PDLIM5: variants seen among roughly 807,000 people sequenced by gnomAD.
PDLIM5 encodes PDZ and LIM domain protein 5.
Under a neutral mutation model 64.2 loss-of-function variants are expected in PDLIM5, and 34 were observed. The observed-to-expected ratio is 0.53, with a 90% confidence interval of 0.40 to 0.71. The LOEUF is 0.71. Ranked by LOEUF, PDLIM5 falls within the 30% of genes least tolerant of loss-of-function variation. The pLI, the probability that PDLIM5 is intolerant of heterozygous loss-of-function variation, is 0.00. For missense variants in PDLIM5, 683 were observed against 733.6 expected (o/e 0.93, Z 0.80); for synonymous variants, 253 against 269.1 (o/e 0.94, Z 0.59).
intron 3 of PDLIM5, among the ~76,000 whole-genome samples, chr4:94,528,196 T>A (rs1730544064): frequency 6.6e-6 from 1 of 152,176 alleles, no homozygotes; most frequent in South Asian, 2.1e-4. Flanking sequence ...CCACCACCTG[T>A]TCACTGCCAG....
rs1553940971 is a variant in PDLIM5 at position 94,494,432 on chromosome 4, G to GGTTTTTTTTTTTTTTTTTTTTTTTTT, written c.97-29292_97-29291insGTTTTTTTTTTTTTTTTTTTTTTTTT. On this transcript the variant is annotated intron_variant, in intron 2 of 12. Transcript: ENST00000317968. Reference sequence around the variant, plus strand: ...AGCATTCACTAATTTTTTTTTTCTTGTTTTTTTTTTTTTTTTTTTTTTTTG... The same window carrying GGTTTTTTTTTTTTTTTTTTTTTTTTT: ...AGCATTCACTAATTTTTTTTTTCTTGGTTTTTTTTTTTTTTTTTTTTTTTTTTTTTTTTTTTTTTTTTTTTTTTTTG... Among the ~76,000 whole-genome samples the GGTTTTTTTTTTTTTTTTTTTTTTTTT allele has an allele frequency of 1.1e-4, 8 of 70,770 alleles. 2 individuals carry two copies. The highest frequency in any genetic ancestry group is 2.2e-4 in the Non-Finnish European group (8 of 36,260). 46.4% of individuals were successfully genotyped at this position (70,770 alleles called of 152,430 possible). A position where few individuals can be genotyped will look rare whatever the true frequency, so the allele number is the denominator to read the frequency against.
rs115600807 is a variant in PDLIM5, at chr4:94,500,597, G to T, written c.97-23127G>T. ...ATTCCGGTCTTTATTTTCCATAAAA[G>T]AAGTGATAGCAACTAAAATAGTATT... On this transcript the variant is annotated intron_variant, in intron 2 of 12. Coordinates refer to ENST00000317968, the MANE Select transcript of PDLIM5 (RefSeq NM_006457.5). Among the ~76,000 whole-genome samples, 671 of 152,224 alleles carry T rather than the reference G, an allele frequency of 4.4e-3. 3 individuals are homozygous for T. The highest frequency in any genetic ancestry group is 0.015 in the African/African-American group (634 of 41,552).
rs568966123 is a variant in PDLIM5 at position 94,567,930 on chromosome 4, C to T, written c.249-5421C>T. 5.3e-5 allele frequency among the ~76,000 whole-genome samples: 8 copies of T among 152,082 alleles called. No individual in the cohort carries two copies. In the South Asian group the frequency reaches 1.0e-3, roughly 20 times the overall value. Reference sequence around the variant, plus strand: ...GATGGATCACCTAAACAGTTGTAAACAGTGTAAAAGTTTTGGGTAGAGGAG... The same window carrying T: ...GATGGATCACCTAAACAGTTGTAAATAGTGTAAAAGTTTTGGGTAGAGGAG... On this transcript the variant is annotated intron_variant, in intron 3 of 12. Transcript: ENST00000317968.
intron 3 of PDLIM5, among the ~76,000 whole-genome samples, chr4:94,524,826 C>T (rs1730196403): frequency 6.6e-6 from 1 of 152,038 alleles, no homozygotes; most frequent in Non-Finnish European, 1.5e-5. Context: ...GTTATTATGA[C>T]TTACAAAGTT....
chr4:94,656,463 G>A (rs532111241), intron 10 of PDLIM5, among the ~76,000 whole-genome samples: 2 of 151,778 alleles, frequency 1.3e-5, no homozygotes, highest in Middle Eastern at 3.4e-3. Context: ...TTACACATTC[G>A]AGTCTGTGCT....
chr4:94,657,318 C>T, intron 10 of PDLIM5, 109 bp from the exon 11 acceptor site: 1 of 669,494 alleles, frequency 1.5e-6, no homozygotes, highest in Non-Finnish European at 2.5e-6. Flanking sequence ...AGTATGTGTG[C>T]CTACTTTGGA....
At chr4:94,504,297 T>C (rs1275838197) in intron 2 of PDLIM5, among the ~76,000 whole-genome samples, 1 of 151,988 alleles carries the variant, frequency 6.6e-6, no homozygotes. Context: ...GACTTTCTTT[T>C]TTTTTTTTTG....
intron 7 of PDLIM5, among the ~76,000 whole-genome samples, chr4:94,602,251 AG>A (rs1305602976): frequency 6.6e-6 from 1 of 152,346 alleles, no homozygotes; most frequent in East Asian, 1.9e-4. Context: ...ATTCAGAAAT[AG>A]GAAGCATTTA....
intron 8 of PDLIM5, among the ~76,000 whole-genome samples, chr4:94,621,549 A>G (rs1739242813): frequency 1.3e-5 from 2 of 152,242 alleles, no homozygotes; most frequent in African/African-American, 4.8e-5. Flanking sequence ...GGCACAAAGT[A>G]TATGGACAGT....
intron 3 of PDLIM5, among the ~76,000 whole-genome samples, chr4:94,533,904 A>G (rs751961459): frequency 7.2e-5 from 11 of 152,222 alleles, no homozygotes; most frequent in African/African-American, 9.6e-5. Context: ...ATAATGATGC[A>G]AGATTTAGAA....
chr4:94,599,964 C>T (rs1338471089), intron 7 of PDLIM5, among the ~76,000 whole-genome samples: 1 of 152,080 alleles, frequency 6.6e-6, no homozygotes, highest in African/African-American at 2.4e-5. Flanking sequence ...TTTGTGAGGG[C>T]TGTGATAGAT....
chr4:94,501,625 T>C (rs995095665), intron 2 of PDLIM5, among the ~76,000 whole-genome samples: 2 of 152,228 alleles, frequency 1.3e-5, no homozygotes, highest in Non-Finnish European at 2.9e-5. Flanking sequence ...TTGGTTTTTG[T>C]TGTATTTTAC....
chr4:94,555,241 A>G (rs1157482863), intron 3 of PDLIM5, among the ~76,000 whole-genome samples: 1 of 4,976 alleles, frequency 2.0e-4, no homozygotes, highest in African/African-American at 2.5e-4. Flanking sequence ...TTTAGTAGAG[A>G]TGGGGTTTCC....
intron 3 of PDLIM5, among the ~76,000 whole-genome samples, chr4:94,541,171 G>T (rs138526995): frequency 6.6e-6 from 1 of 152,254 alleles, no homozygotes; most frequent in Non-Finnish European, 1.5e-5. Context: ...AGGGATGTAG[G>T]ATACTTAGTA....
intron 7 of PDLIM5, among the ~76,000 whole-genome samples, chr4:94,592,678 A>T (rs1033027062): frequency 6.6e-6 from 1 of 152,164 alleles, no homozygotes; most frequent in Non-Finnish European, 1.5e-5. Context: ...CCCAGGCTAG[A>T]GTGCAGTGGC....
intron 3 of PDLIM5, 56 bp from the exon 4 acceptor site, chr4:94,573,295 G>A: frequency 7.3e-7 from 1 of 1,377,010 alleles, no homozygotes; most frequent in Middle Eastern, 1.8e-4. Context: ...TAAGAAGTCT[G>A]CAAGTTTATA....
At position 94,620,203 on chromosome 4, in the gene PDLIM5, G is replaced by A. The variant is rs572393395; in HGVS notation, c.1108+2012G>A. Among the ~76,000 whole-genome samples, 21 of 152,106 alleles carry A rather than the reference G, an allele frequency of 1.4e-4. No individual in the cohort carries two copies. In the South Asian group the frequency reaches 4.0e-3, roughly 29 times the overall value. On this transcript the variant is annotated intron_variant, in intron 8 of 12. Transcript: ENST00000317968. The stretch of plus-strand genomic sequence containing the variant: ...TCACCTAGCCCTCTAATTTCTAGTC[G>A]TTCTTCATCAGTTTTGAGATGAATG...
chr4:94,513,678 T>G (rs1362515221), intron 2 of PDLIM5, among the ~76,000 whole-genome samples: 1 of 152,218 alleles, frequency 6.6e-6, no homozygotes, highest in African/African-American at 2.4e-5. Context: ...AAGGATAATT[T>G]GACTTCTTCC....
intron 3 of PDLIM5, among the ~76,000 whole-genome samples, chr4:94,546,742 G>T (rs1430167334): frequency 1.3e-5 from 2 of 151,798 alleles, no homozygotes; most frequent in African/African-American, 4.8e-5. Flanking sequence ...AAAACACCAG[G>T]GATATTAAAT....
Sources: allele counts gnomAD v4.1 joint callset (sites outside exome capture counted in the v4.1 genomes callset), GRCh38; gene constraint gnomAD v4.1.1; transcripts MANE v1.5; gene names NCBI Gene and HGNC (gene_info 2026-07-23, HGNC 2026-07-21).